Variants in PCDH15 observed in about 807,000 individuals in gnomAD.
The protein encoded by PCDH15 is protocadherin related 15.
A neutral mutation model predicts 178.5 loss-of-function variants in PCDH15; 129 were observed. That is an observed-to-expected ratio of 0.72 (90% CI 0.63 to 0.84). PCDH15 has a LOEUF of 0.84. PCDH15 is among the 40% of genes least tolerant of loss of function. PCDH15 has a pLI of 0.00. For synonymous variants in PCDH15, 800 were observed against 732.0 expected, an observed-to-expected ratio of 1.09 and a Z score of -1.50; for missense variants, 2,230 against 2,099.9, an observed-to-expected ratio of 1.06 and a Z score of -1.21.
intron 23 of PCDH15, among the ~76,000 whole-genome samples, chr10:53,958,726 A>G (rs1348007490): frequency 1.3e-5 from 2 of 152,140 alleles, no homozygotes; most frequent in African/African-American, 4.8e-5. Flanking sequence ...CACGCCTGTA[A>G]TCCCAGCACT....
chr10:55,124,862 G>T (rs1314618561), intron 2 of PCDH15, among the ~76,000 whole-genome samples: 2 of 152,018 alleles, frequency 1.3e-5, no homozygotes, highest in Non-Finnish European at 2.9e-5. Flanking sequence ...GATCTAGAGA[G>T]GTTGTGTCAT....
At chr10:54,949,414 C>G (rs576327357) in intron 2 of PCDH15, among the ~76,000 whole-genome samples, 1 of 151,830 alleles carries the variant, frequency 6.6e-6, no homozygotes, top group Admixed American at 6.6e-5. Context: ...GAGAAACCAC[C>G]CCCATGATTC....
chr10:54,436,078 G>T (rs2075389676), intron 3 of PCDH15, among the ~76,000 whole-genome samples: 1 of 135,292 alleles, frequency 7.4e-6, no homozygotes, highest in Admixed American at 7.7e-5. Flanking sequence ...AAAGAAGGAA[G>T]GAAGGAGGGA....
At position 53,971,023 on chromosome 10, in the gene PCDH15, A is replaced by G. The variant is rs188336618; in HGVS notation, c.2869-9131T>C. The stretch of plus-strand genomic sequence containing the variant: ...AAACCAATATCCCTGATGAACATCA[A>G]TGTGAAAATCCTAAACAAAATACTG... On this transcript the variant is annotated intron_variant, in intron 21 of 37. Transcript: ENST00000644397. 6.4e-3 allele frequency among the ~76,000 whole-genome samples: 982 copies of G among 152,346 alleles called. 5 individuals are homozygous for G. Among genetic ancestry groups the G allele is most frequent in the Middle Eastern group, 0.014 (4 of 294 alleles).
At chr10:55,403,627 C>G (rs973986572) in intron 2 of PCDH15, among the ~76,000 whole-genome samples, 1 of 151,850 alleles carries the variant, frequency 6.6e-6, no homozygotes, top group African/African-American at 2.4e-5. Context: ...AGAGGGTGTT[C>G]TTTCCGCAAT....
chr10:54,948,874 A>C (rs980213763), intron 2 of PCDH15, among the ~76,000 whole-genome samples: 3 of 151,952 alleles, frequency 2.0e-5, no homozygotes, highest in Non-Finnish European at 4.4e-5. Flanking sequence ...TTTTGGCTAA[A>C]TATCCAGGGA....
chr10:53,815,907 T>C (rs1330414829), intron 35 of PCDH15, among the ~76,000 whole-genome samples: 1 of 152,118 alleles, frequency 6.6e-6, no homozygotes, highest in Non-Finnish European at 1.5e-5. Context: ...ATGTCAGGAA[T>C]GGATAGATGA....
At chr10:54,425,166 T>C (rs1258668754) in intron 3 of PCDH15, among the ~76,000 whole-genome samples, 2 of 152,074 alleles carry the variant, frequency 1.3e-5, no homozygotes, top group Admixed American at 6.6e-5. Flanking sequence ...CCAAAACTTA[T>C]GTTGAAATTT....
At chr10:54,359,283 CT>C (rs1482278451) in intron 5 of PCDH15, among the ~76,000 whole-genome samples, 1 of 151,228 alleles carries the variant, frequency 6.6e-6, no homozygotes, top group Admixed American at 6.6e-5. Flanking sequence ...AAAACAAAAA[CT>C]AAAACCATCT....
At chr10:54,208,511 CCCTCTCATCCTCTCAT>C (rs1289594724) in intron 10 of PCDH15, among the ~76,000 whole-genome samples, 1 of 152,014 alleles carries the variant, frequency 6.6e-6, no homozygotes, top group African/African-American at 2.4e-5. Flanking sequence ...CACCCTCTCA[CCCTCTCATCCTCTCAT>C]CCTCTTTCCA....
At chr10:55,598,109 T>G (rs1472993837) in intron 2 of PCDH15, among the ~76,000 whole-genome samples, 2 of 152,022 alleles carry the variant, frequency 1.3e-5, no homozygotes, top group African/African-American at 4.8e-5. Context: ...CTATACAATA[T>G]TTAGGGTTGG....
intron 18 of PCDH15, among the ~76,000 whole-genome samples, chr10:54,050,919 C>G (rs1420854980): frequency 6.6e-6 from 1 of 152,094 alleles, no homozygotes; most frequent in Non-Finnish European, 1.5e-5. Flanking sequence ...CTATACTGTT[C>G]TCGTGATAGT....
chr10:54,483,384 T>C (rs1021229653), intron 3 of PCDH15, among the ~76,000 whole-genome samples: 1 of 151,874 alleles, frequency 6.6e-6, no homozygotes, highest in Non-Finnish European at 1.5e-5. Context: ...TTTTATTTAT[T>C]TTATGAAGGG....
At chr10:54,739,906 G>A (rs540487607) in intron 1 of PCDH15, among the ~76,000 whole-genome samples, 35 of 152,008 alleles carry the variant, frequency 2.3e-4, no homozygotes, top group African/African-American at 4.8e-4. Context: ...ATACTTAAAC[G>A]TAAAACCTAA....
intron 2 of PCDH15, among the ~76,000 whole-genome samples, chr10:55,059,000 A>G (rs1459661876): frequency 6.6e-6 from 1 of 152,232 alleles, no homozygotes; most frequent in African/African-American, 2.4e-5. Flanking sequence ...AAAGCAGAGC[A>G]GTTTCCAACG....
Position 54,514,970 on chromosome 10 carries a change from C to T in PCDH15, c.157+12842G>A, listed in dbSNP as rs2082064662. ...AGATTTGGTAAAGTCTCAAGTGTAGCATGAAAATTAATCACTTGGGGGATG... is the reference window on the plus strand; with the variant it reads ...AGATTTGGTAAAGTCTCAAGTGTAGTATGAAAATTAATCACTTGGGGGATG... On this transcript the variant is annotated intron_variant, in intron 3 of 37. Coordinates refer to ENST00000644397, the MANE Select transcript of PCDH15 (RefSeq NM_001384140.1). Among the ~76,000 whole-genome samples, 5 of 152,282 alleles carry T rather than the reference C, an allele frequency of 3.3e-5. 1 individual carries two copies. The South Asian group carries it at 1.0e-3, about 32-fold the overall frequency.
In PCDH15 at chr10:54,894,561, T is replaced by C. The variant is rs185732166; in HGVS notation, c.-29+2889A>G. 5.4e-3 allele frequency among the ~76,000 whole-genome samples: 816 copies of C among 152,258 alleles called. 7 individuals carry two copies. Among genetic ancestry groups the C allele is most frequent in the South Asian group, 0.02 (97 of 4,828 alleles). On this transcript the variant is annotated intron_variant, in intron 3 of 5. Transcript: ENST00000458638. The stretch of plus-strand genomic sequence containing the variant: ...AGTTGAACTCCAAATTGGAAACATT[T>C]TGTAGTTCAAATATCAGTTATTTGA...
intron 2 of PCDH15, among the ~76,000 whole-genome samples, chr10:55,032,205 T>C (rs1439011613): frequency 6.6e-6 from 1 of 152,150 alleles, no homozygotes; most frequent in Non-Finnish European, 1.5e-5. Flanking sequence ...CAGATGGAAA[T>C]GAGGAATATC....
At chr10:54,722,234 G>A (rs1941741583) in intron 1 of PCDH15, among the ~76,000 whole-genome samples, 1 of 151,710 alleles carries the variant, frequency 6.6e-6, no homozygotes, top group Non-Finnish European at 1.5e-5. Flanking sequence ...TAAGAGCCAT[G>A]TATGACAAGT....
Sources: allele counts gnomAD v4.1 joint callset (sites outside exome capture counted in the v4.1 genomes callset), GRCh38; gene constraint gnomAD v4.1.1; transcripts MANE v1.5; gene names NCBI Gene and HGNC (gene_info 2026-07-23, HGNC 2026-07-21).